COL8A2: variants seen among roughly 807,000 people sequenced by gnomAD.
COL8A2 encodes collagen type VIII alpha 2 chain.
In COL8A2, 16 loss-of-function variants were observed where a neutral mutation model predicts 24.0. The observed-to-expected ratio is 0.67, with a 90% CI of 0.45 to 1.01. COL8A2 has a LOEUF of 1.01. COL8A2 is among the 50% of genes least tolerant of loss of function. The probability of loss-of-function intolerance (pLI) is 0.00; values close to 1 mark genes in which losing one functional copy is unlikely to be tolerated. For synonymous variants in COL8A2, 466 were observed against 424.5 expected, an observed-to-expected ratio of 1.10 and a Z score of -1.20; for missense variants, 818 against 942.4, an observed-to-expected ratio of 0.87 and a Z score of 1.73.
chr1:36,114,957 T>C (rs886987666), intron 2 of COL8A2, among the ~76,000 whole-genome samples: 1 of 152,016 alleles, frequency 6.6e-6, no homozygotes, highest in African/African-American at 2.4e-5. Context: ...GCTGCTTCCC[T>C]AGGGAGGAGC....
In COL8A2 at chr1:36,115,799, A is replaced by C; in HGVS notation, c.-61-47T>G. The C allele has an allele frequency of 1.0e-6, 1 of 968,388 alleles. No homozygotes were observed. 60.0% of individuals were successfully genotyped at this position (968,388 alleles called of 1,614,324 possible). On this transcript the variant is annotated intron_variant, in intron 1 of 3. Coordinates refer to ENST00000397799, the MANE Select transcript of COL8A2 (RefSeq NM_005202.4). This position sits in a 1 kb window ranked among gnomAD's most constrained non-coding sequence, Gnocchi z 5.7. Reference sequence around the variant, plus strand: ...AGTGAGGCTATGGGGCAGTGGCTCAAGCTTGTAATCCCAGCACTTTGGGAG... The same window carrying C: ...AGTGAGGCTATGGGGCAGTGGCTCACGCTTGTAATCCCAGCACTTTGGGAG...
intron 1 of COL8A2, among the ~76,000 whole-genome samples, chr1:36,119,477 G>A (rs1263352138): frequency 3.3e-5 from 5 of 152,064 alleles, no homozygotes; most frequent in Non-Finnish European, 7.4e-5. Flanking sequence ...TCAGTCCCCC[G>A]CACCCCCTCA....
At chr1:36,102,459 C>A (rs535644877) in intron 2 of COL8A2, among the ~76,000 whole-genome samples, 1 of 151,942 alleles carries the variant, frequency 6.6e-6, no homozygotes, top group South Asian at 2.1e-4. Context: ...TGCCACCATG[C>A]CTGGCTAATT....
Position 36,096,161 on chromosome 1 carries a change from C to T in COL8A2, c.*1408G>A, listed in dbSNP as rs1479906278. ...GGGCTGGCCTGGCGAGGGCCGAGCG[C>T]GAGGCCCTGCAGCTGCGGGGAAAGT... On this transcript the variant is annotated 3_prime_UTR_variant, in exon 4 of 4. Coordinates refer to ENST00000397799, the MANE Select transcript of COL8A2 (RefSeq NM_005202.4). The T allele has an allele frequency of 2.0e-5, 3 of 150,742 alleles. No homozygotes were observed. Among genetic ancestry groups the T allele is most frequent in the East Asian group, 2.0e-4 (1 of 5,090 alleles). The allele number at this position is 150,742 out of a possible 1,614,324, so 9.3% of individuals were successfully genotyped here. A position where few individuals can be genotyped will look rare whatever the true frequency, so the allele number is the denominator to read the frequency against.
At position 36,098,764 on chromosome 1, in the gene COL8A2, G is replaced by A. The variant is rs577143856; in HGVS notation, c.917C>T (p.Pro306Leu). 45 of 1,611,998 alleles carry A rather than the reference G, an allele frequency of 2.8e-5. 1 individual carries two copies. The South Asian group carries it at 4.5e-4, about 16-fold the overall frequency. Residue 306 changes from proline (P) to leucine (L), a missense_variant, in exon 4 of 4, where the codon CCC becomes CTC. Physicochemically the swap from Pro to Leu is moderately conservative, Grantham distance 98 (BLOSUM62 -3). Around this residue, in one of 3 missense-constraint regions of COL8A2, gnomAD observed 573 missense variants for 616.8 expected, o/e 0.93. Transcript: ENST00000397799. ...GCCAGTGGGGCCTATCAGCCCAGGG[G>A]GGCCCCGGGTCCCTGGCTCCCCTTT... ...GAKGEPGTRG[P>L]PGLIGPTGYG...
chr1:36,109,292 G>A (rs896839138), intron 2 of COL8A2, among the ~76,000 whole-genome samples: 3 of 152,174 alleles, frequency 2.0e-5, no homozygotes, highest in Non-Finnish European at 2.9e-5. Flanking sequence ...TGCTCTCTGC[G>A]CTCTTGCTGG....
chr1:36,110,979 C>T (rs1353691852), intron 2 of COL8A2, among the ~76,000 whole-genome samples: 1 of 152,162 alleles, frequency 6.6e-6, no homozygotes. Context: ...CCCAGCTTGG[C>T]AGCTCCAGAC....
At position 36,098,106 on chromosome 1, in the gene COL8A2, C is replaced by T; in HGVS notation, c.1575G>A (p.Gly525=). The T allele has an allele frequency of 1.3e-6, 2 of 1,509,406 alleles. No individual in the cohort carries two copies. The highest frequency in any genetic ancestry group is 2.3e-5 in the East Asian group (1 of 43,250). The allele number at this position is 1,509,406 out of a possible 1,614,324, so 93.5% of individuals were successfully genotyped here. A position where few individuals can be genotyped will look rare whatever the true frequency, so the allele number is the denominator to read the frequency against. ...PGITGPPGPP[G]PPGPPGAPGA... Reference sequence around the variant, plus strand: ...CAGGGGCACCAGGGGGTCCCGGGGGCCCGGGAGGCCCCGGAGGGCCCGTGA... The same window carrying T: ...CAGGGGCACCAGGGGGTCCCGGGGGTCCGGGAGGCCCCGGAGGGCCCGTGA... The change falls in exon 4 of 4, where the codon GGG becomes GGA. Residue 525 remains glycine (G), a synonymous_variant. Coordinates refer to ENST00000397799, the MANE Select transcript of COL8A2 (RefSeq NM_005202.4).
chr1:36,102,796 T>A (rs1643698739), intron 2 of COL8A2, among the ~76,000 whole-genome samples: 1 of 148,280 alleles, frequency 6.7e-6, no homozygotes, highest in Non-Finnish European at 1.5e-5. Context: ...CTCAGCTTCC[T>A]GAGTAGCTGG....
chr1:36,120,165 T>C (rs1457569802), intron 1 of COL8A2, among the ~76,000 whole-genome samples: 4 of 152,208 alleles, frequency 2.6e-5, no homozygotes, highest in African/African-American at 9.7e-5. Flanking sequence ...GCTATGAAGA[T>C]GCCCCACACA....
Position 36,122,866 on chromosome 1 carries a change from C to A in COL8A2, c.-62+2191G>T, listed in dbSNP as rs1225034951. Among the ~76,000 whole-genome samples the A allele has an allele frequency of 4.6e-5, 7 of 152,062 alleles. No individual in the cohort carries two copies. The East Asian group carries it at 7.7e-4, about 17-fold the overall frequency. ...TGACCTCAAAGTCATGAGTCCCTCC[C>A]ACTCCCCAGTGTGATCCAACAGTGC... On this transcript the variant is annotated intron_variant, in intron 1 of 3. Transcript: ENST00000397799.
chr1:36,118,651 A>C (rs1382577393), intron 1 of COL8A2, among the ~76,000 whole-genome samples: 4 of 152,070 alleles, frequency 2.6e-5, no homozygotes, highest in Non-Finnish European at 4.4e-5. Flanking sequence ...ATCCCAGACC[A>C]GATGTGGGTG....
chr1:36,107,251 A>T (rs1350677522), intron 2 of COL8A2, among the ~76,000 whole-genome samples: 1 of 152,108 alleles, frequency 6.6e-6, no homozygotes, highest in African/African-American at 2.4e-5. Flanking sequence ...CTAAAAATTT[A>T]AAAAATTACC....
chr1:36,111,667 C>A (rs1643842586), intron 2 of COL8A2, among the ~76,000 whole-genome samples: 1 of 152,092 alleles, frequency 6.6e-6, no homozygotes, highest in Non-Finnish European at 1.5e-5. Context: ...CCTCTTGTCT[C>A]AGCCTCCTGA....
intron 1 of COL8A2, among the ~76,000 whole-genome samples, chr1:36,122,938 C>CAA (rs1307266136): frequency 6.6e-6 from 1 of 150,700 alleles, no homozygotes; most frequent in Non-Finnish European, 1.5e-5. Flanking sequence ...CTGAAGCTTC[C>CAA]CCCTCCACAC....
In COL8A2 at chr1:36,096,619, G is replaced by T. The variant is rs1643569562; in HGVS notation, c.*950C>A. The T allele has an allele frequency of 6.6e-6, 1 of 152,254 alleles. No homozygotes were observed. The highest frequency in any genetic ancestry group is 6.5e-5 in the Admixed American group (1 of 15,278). 9.4% of individuals were successfully genotyped at this position (152,254 alleles called of 1,614,324 possible). A position where few individuals can be genotyped will look rare whatever the true frequency, so the allele number is the denominator to read the frequency against. On this transcript the variant is annotated 3_prime_UTR_variant, in exon 4 of 4. Coordinates refer to ENST00000397799, the MANE Select transcript of COL8A2 (RefSeq NM_005202.4). Reference sequence around the variant, plus strand: ...GGGGATACCTGGCTGGGGTGACAAGGATCCTCTTACAATTTTGTATTGAGA... The same window carrying T: ...GGGGATACCTGGCTGGGGTGACAAGTATCCTCTTACAATTTTGTATTGAGA...
At chr1:36,102,916 G>A (rs985439147) in intron 2 of COL8A2, among the ~76,000 whole-genome samples, 2 of 151,758 alleles carry the variant, frequency 1.3e-5, no homozygotes, top group Non-Finnish European at 1.5e-5. Flanking sequence ...CTAGCGATCC[G>A]CCTGCCTCAG....
chr1:36,117,214 C>T (rs1643883653), intron 1 of COL8A2, among the ~76,000 whole-genome samples: 1 of 152,234 alleles, frequency 6.6e-6, no homozygotes, highest in South Asian at 2.1e-4. Flanking sequence ...GCCCTGCCTC[C>T]ATCCTGCCAC....
Position 36,099,009 on chromosome 1 carries a change from G to A in COL8A2, c.672C>T (p.Ala224=), listed in dbSNP as rs1369282946. ...GACCAGGGAGGCCGGGGGGGCCGGG[G>A]GCACCCCCCTGCCCTGGGGCCCCAG... ...GLPGAPGQGG[A]PGPPGLPGPA... Residue 224 remains alanine (A), a synonymous_variant, in exon 4 of 4, where the codon GCC becomes GCT. Transcript: ENST00000397799. The A allele has an allele frequency of 3.2e-6, 5 of 1,580,974 alleles. No homozygotes were observed. The highest frequency in any genetic ancestry group is 2.2e-5 in the South Asian group (2 of 89,040).
Sources: allele counts gnomAD v4.1 joint callset (sites outside exome capture counted in the v4.1 genomes callset), GRCh38; gene constraint gnomAD v4.1.1; regional missense constraint gnomAD v4.1.1; non-coding constraint Gnocchi (gnomAD v3.1); transcripts MANE v1.5; gene names NCBI Gene and HGNC (gene_info 2026-07-23, HGNC 2026-07-21).